Variants in SNRPA1 observed in about 807,000 individuals in gnomAD.
SNRPA1 encodes the protein U2 small nuclear ribonucleoprotein A'.
In SNRPA1, 5 loss-of-function variants were observed where a neutral mutation model predicts 32.3. That is an observed-to-expected ratio of 0.15 (90% CI 0.08 to 0.33). The LOEUF is 0.33. SNRPA1 is among the 10% of genes least tolerant of loss of function. SNRPA1 has a pLI of 1.00. For synonymous variants in SNRPA1, 111 were observed against 120.1 expected (o/e 0.92, Z 0.50); for missense variants, 198 against 311.1 (o/e 0.64, Z 2.74).
intron 3 of SNRPA1, among the ~76,000 whole-genome samples, chr15:101,289,530 C>A (rs2039495551): frequency 6.6e-6 from 1 of 151,912 alleles, no homozygotes; most frequent in Non-Finnish European, 1.5e-5. Context: ...GACAGGAAGC[C>A]CCAGAACAGA....
intron 3 of SNRPA1, among the ~76,000 whole-genome samples, chr15:101,291,065 G>C (rs2039521283): frequency 6.6e-6 from 1 of 151,930 alleles, no homozygotes; most frequent in African/African-American, 2.4e-5. Context: ...CTTATAGAGA[G>C]AGACAAGGTC....
chr15:101,286,254 C>T lies in SNRPA1; in HGVS notation c.499G>A (p.Gly167Ser). ...EAEKMFKGKRGAQLAKDIARR... is the reference protein window; with the variant it reads ...EAEKMFKGKRSAQLAKDIARR... Reference sequence around the variant, plus strand: ...GCAATATCCTTTGCAAGCTGTGCACCCCGTTTGCCCTTGAACATTTTCTCT... The same window carrying T: ...GCAATATCCTTTGCAAGCTGTGCACTCCGTTTGCCCTTGAACATTTTCTCT... The change falls in exon 6 of 9, where the codon GGT becomes AGT. Residue 167 changes from glycine to serine, a missense_variant. By Grantham distance (56) the Gly-to-Ser change is moderately conservative. Around this residue, in one of 3 missense-constraint regions of SNRPA1, gnomAD observed 77 missense variants for 120.1 expected, o/e 0.64. Coordinates refer to ENST00000254193, the MANE Select transcript of SNRPA1 (RefSeq NM_003090.4). 8 of 1,614,146 alleles carry T rather than the reference C, an allele frequency of 5.0e-6. No individual in the cohort carries two copies. The highest frequency in any genetic ancestry group is 6.8e-6 in the Non-Finnish European group (8 of 1,180,020).
chr15:101,287,080 G>A, intron 4 of SNRPA1, 70 bp from the exon 5 acceptor site: 1 of 709,930 alleles, frequency 1.4e-6, no homozygotes, highest in South Asian at 1.8e-5. Flanking sequence ...TGTTTGAATA[G>A]TCTAAGGAAC....
intron 3 of SNRPA1, chr15:101,288,023 A>G: frequency 3.2e-6 from 1 of 314,676 alleles, no homozygotes; most frequent in Non-Finnish European, 6.2e-6. Flanking sequence ...GGGACTCTGG[A>G]GCAACCTATT....
At chr15:101,292,401 A>G (rs899898948) in intron 2 of SNRPA1, among the ~76,000 whole-genome samples, 1 of 152,210 alleles carries the variant, frequency 6.6e-6, no homozygotes. Context: ...CAACTATACT[A>G]TAGGGGAATG....
Position 101,281,765 on chromosome 15 carries a change from C to T in SNRPA1, c.727G>A (p.Glu243Lys), listed in dbSNP as rs1567122671. The T allele has an allele frequency of 1.2e-6, 2 of 1,614,124 alleles. No individual in the cohort carries two copies. Among genetic ancestry groups the T allele is most frequent in the Non-Finnish European group, 1.7e-6 (2 of 1,179,946 alleles). Residue 243 changes from glutamate to lysine, a missense_variant, in exon 9 of 9, where the codon GAA becomes AAA. By Grantham distance (56) the Glu-to-Lys change is moderately conservative (BLOSUM62 1). Coordinates refer to ENST00000254193, the MANE Select transcript of SNRPA1 (RefSeq NM_003090.4). ...ACTGTGTCTTCTTCCATCTCTTCTT[C>T]ACCATCATCAGTGGGCCCTAAAGAA... ...ERRSGPTDDGEEEMEEDTVTN... is the reference protein window; with the variant it reads ...ERRSGPTDDGKEEMEEDTVTN...
intron 8 of SNRPA1, 90 bp downstream of exon 8, chr15:101,284,877 G>T: frequency 1.1e-6 from 1 of 919,882 alleles, no homozygotes; most frequent in Non-Finnish European, 1.8e-6. Flanking sequence ...GCACTACTCT[G>T]GCATTCCAGA....
chr15:101,286,947 C>T lies in SNRPA1; in HGVS notation c.420G>A (p.Pro140=), dbSNP rs370701678. The T allele has an allele frequency of 1.2e-5, 20 of 1,606,354 alleles. No individual in the cohort carries two copies. The highest frequency in any genetic ancestry group is 4.5e-5 in the East Asian group (2 of 44,790). Residue 140 remains proline (P), a synonymous_variant, in exon 5 of 9, where the codon CCG becomes CCA. Transcript: ENST00000254193. ...HYRLYVIYKV[P]QVRVLDFQKV... The stretch of plus-strand genomic sequence containing the variant: ...TCTGGAAATCCAGTACTCTGACTTG[C>T]GGAACTTTATAAATCACATACAATC...
chr15:101,291,641 AAAC>A (rs1204904656), intron 3 of SNRPA1, among the ~76,000 whole-genome samples: 1 of 152,194 alleles, frequency 6.6e-6, no homozygotes, highest in East Asian at 1.9e-4. Flanking sequence ...CAATTGTAGA[AAAC>A]AACATAGGAG....
rs2141317490 is a variant in SNRPA1, at chr15:101,295,222, T to C, written c.-44A>G. ...CCCGCGCTGTGGAAAGCCCGTGGCC[T>C]CCCGCCAGCGAGACGTCCCAGCGTG... On this transcript the variant is annotated 5_prime_UTR_variant, in exon 1 of 9. Coordinates refer to ENST00000254193, the MANE Select transcript of SNRPA1 (RefSeq NM_003090.4). 1 of 1,470,536 alleles carries C rather than the reference T, an allele frequency of 6.8e-7. No homozygotes were observed. Among genetic ancestry groups the C allele is most frequent in the Non-Finnish European group, 9.0e-7 (1 of 1,107,716 alleles). 91.1% of individuals were successfully genotyped at this position (1,470,536 alleles called of 1,614,324 possible). A position where few individuals can be genotyped will look rare whatever the true frequency, so the allele number is the denominator to read the frequency against.
Position 101,293,171 on chromosome 15 carries a change from C to T in SNRPA1, c.84G>A (p.Gly28=), listed in dbSNP as rs765775475. The change falls in exon 2 of 9, where the codon GGG becomes GGA. Residue 28 remains glycine, a splice_region_variant and synonymous_variant. Coordinates refer to ENST00000254193, the MANE Select transcript of SNRPA1 (RefSeq NM_003090.4). ...GATTTTCAATGACGGGAATTTTATA[C>T]CCTATAAAATGGAGGAAAAAAACAC... is the stretch of plus-strand genomic sequence containing the variant. ...AVRDRELDLR[G]YKIPVIENLG... is the part of the protein sequence containing the mutation. 2 of 1,600,904 alleles carry T rather than the reference C, an allele frequency of 1.2e-6. No individual in the cohort carries two copies. The highest frequency in any genetic ancestry group is 2.2e-5 in the South Asian group (2 of 89,052).
rs558211835 is a variant in SNRPA1, at chr15:101,289,037, A to G, written c.310-1335T>C. On this transcript the variant is annotated intron_variant, in intron 3 of 8. Coordinates refer to ENST00000254193, the MANE Select transcript of SNRPA1 (RefSeq NM_003090.4). ...AAAAAGTACAGATAAAAACAGGGAGAGCAGAGCCAGAAATTCTCAAAAAGC... is the reference window on the plus strand; with the variant it reads ...AAAAAGTACAGATAAAAACAGGGAGGGCAGAGCCAGAAATTCTCAAAAAGC... 3.5e-4 allele frequency among the ~76,000 whole-genome samples: 53 copies of G among 152,320 alleles called. 1 individual carries two copies. The highest frequency in any genetic ancestry group is 6.2e-4 in the South Asian group (3 of 4,818).
At chr15:101,292,662 C>T (rs1403349999) in intron 2 of SNRPA1, among the ~76,000 whole-genome samples, 2 of 151,220 alleles carry the variant, frequency 1.3e-5, no homozygotes, top group African/African-American at 4.9e-5. Flanking sequence ...TTACTATGAC[C>T]CCTTTGATAA....
At chr15:101,292,982 T>C in intron 2 of SNRPA1, 43 bp downstream of exon 2, 1 of 1,451,558 alleles carries the variant, frequency 6.9e-7, no homozygotes, top group African/African-American at 1.4e-5. Context: ...CACTGCAACA[T>C]TTACTCTAGG....
At chr15:101,285,559 A>T (rs1382470430) in intron 7 of SNRPA1, among the ~76,000 whole-genome samples, 167 bp downstream of exon 7, 3 of 152,262 alleles carry the variant, frequency 2.0e-5, no homozygotes, top group Non-Finnish European at 4.4e-5. Flanking sequence ...TTCAAGTCTG[A>T]TCAAATAATA....
At position 101,290,575 on chromosome 15, in the gene SNRPA1, T is replaced by G. The variant is rs549402021; in HGVS notation, c.309+1387A>C. Among the ~76,000 whole-genome samples the G allele has an allele frequency of 1.8e-4, 20 of 109,646 alleles. No homozygotes were observed. The South Asian group carries it at 4.2e-3, about 23-fold the overall frequency. 71.9% of individuals were successfully genotyped at this position (109,646 alleles called of 152,430 possible). A position where few individuals can be genotyped will look rare whatever the true frequency, so the allele number is the denominator to read the frequency against. ...TAAGTCACAAAATTAAGTTATACGA[T>G]TTTTTTTTTTTTTTGAGATGAGGTC... On this transcript the variant is annotated intron_variant, in intron 3 of 8. Coordinates refer to ENST00000254193, the MANE Select transcript of SNRPA1 (RefSeq NM_003090.4).
intron 3 of SNRPA1, among the ~76,000 whole-genome samples, chr15:101,289,501 T>C (rs1357230284): frequency 2.0e-5 from 3 of 152,166 alleles, no homozygotes; most frequent in African/African-American, 7.2e-5. Context: ...AGAAAACGGA[T>C]TGAAGAACGG....
At chr15:101,289,158 AAAG>A (rs1321033466) in intron 3 of SNRPA1, among the ~76,000 whole-genome samples, 5 of 152,250 alleles carry the variant, frequency 3.3e-5, no homozygotes, top group African/African-American at 1.2e-4. Context: ...AAAAAGGAAT[AAAG>A]AACAAAGTGG....
At chr15:101,287,566 T>C in intron 4 of SNRPA1, 90 bp downstream of exon 4, 1 of 1,139,642 alleles carries the variant, frequency 8.8e-7, no homozygotes, top group Non-Finnish European at 1.3e-6. Context: ...TGCCACATTT[T>C]TTAATTATCT....
Sources: allele counts gnomAD v4.1 joint callset (sites outside exome capture counted in the v4.1 genomes callset), GRCh38; gene constraint gnomAD v4.1.1; regional missense constraint gnomAD v4.1.1; transcripts MANE v1.5; gene names NCBI Gene and HGNC (gene_info 2026-07-23, HGNC 2026-07-21).